PCSK1: variants seen among roughly 807,000 people sequenced by gnomAD.
PCSK1 encodes proprotein convertase subtilisin/kexin type 1, also known as neuroendocrine convertase 1.
A neutral mutation model predicts 90.6 loss-of-function variants in PCSK1; 56 were observed. The ratio of observed to expected loss-of-function variants is 0.62; its 90% CI spans 0.50 to 0.77. The LOEUF (loss-of-function observed/expected upper bound fraction) is 0.77. Ranked by LOEUF, PCSK1 falls within the 30% of genes least tolerant of loss-of-function variation. PCSK1 has a pLI of 0.00. For synonymous variants in PCSK1, 348 were observed against 342.4 expected (o/e 1.02, Z -0.18); for missense variants, 801 against 932.6 (o/e 0.86, Z 1.84).
intron 12 of PCSK1, 68 bp from the exon 13 acceptor site, chr5:96,395,093 G>T: frequency 8.3e-7 from 1 of 1,206,262 alleles, no homozygotes. Context: ...ATTCAAAATA[G>T]CTAAAAAGGA....
At chr5:96,408,811 A>T (rs1395044916) in intron 8 of PCSK1, among the ~76,000 whole-genome samples, 1 of 152,212 alleles carries the variant, frequency 6.6e-6, no homozygotes, top group East Asian at 1.9e-4. Context: ...CTACTTGCAC[A>T]AAAAATGCTT....
chr5:96,412,187 T>C (rs1760776381), intron 7 of PCSK1, 131 bp downstream of exon 7: 1 of 865,414 alleles, frequency 1.2e-6, no homozygotes, highest in Non-Finnish European at 1.9e-6. Flanking sequence ...TCTAAGTGCA[T>C]TTAAAATTGT....
At chr5:96,422,014 A>AGC in intron 4 of PCSK1, 58 bp from the exon 5 acceptor site, 1 of 888,082 alleles carries the variant, frequency 1.1e-6, no homozygotes. Context: ...AAAAAAAAAA[A>AGC]AAAAAGCATC....
At position 96,410,949 on chromosome 5, in the gene PCSK1, G is replaced by A. The variant is rs137852824; in HGVS notation, c.920C>T (p.Ser307Leu). ...QGKGSIFVWASGNGGRQGDNC... is the reference protein window; with the variant it reads ...QGKGSIFVWALGNGGRQGDNC... ...ATCTCCCTGACGCCCCCCGTTTCCC[G>A]AAGCCCAGACGAAGATGGACCCCTT... is the stretch of plus-strand genomic sequence containing the variant. Residue 307 changes from serine (S) to leucine (L), a missense_variant, in exon 8 of 14, where the codon TCG (serine) becomes TTG (leucine). By Grantham distance (145) the Ser-to-Leu change is moderately radical. Transcript: ENST00000311106. 14 of 1,613,882 alleles carry A rather than the reference G, an allele frequency of 8.7e-6. No individual in the cohort carries two copies. Among genetic ancestry groups the A allele is most frequent in the Admixed American group, 1.7e-5 (1 of 60,012 alleles).
chr5:96,403,001 G>T (rs926641133), intron 9 of PCSK1, among the ~76,000 whole-genome samples: 4 of 152,156 alleles, frequency 2.6e-5, no homozygotes, highest in African/African-American at 9.7e-5. Flanking sequence ...CAGTCAATGG[G>T]CAACACACCA....
chr5:96,430,957 A>G (rs2112452689), intron 1 of PCSK1, among the ~76,000 whole-genome samples: 1 of 152,318 alleles, frequency 6.6e-6, no homozygotes, highest in East Asian at 1.9e-4. Flanking sequence ...TGAATGGTCT[A>G]GGTTTAGATG....
rs376732645 is a variant in PCSK1 at position 96,409,902 on chromosome 5, G to A, written c.1095+872C>T. Among the ~76,000 whole-genome samples the A allele has an allele frequency of 2.0e-4, 30 of 152,268 alleles. 2 individuals carry two copies. The highest frequency in any genetic ancestry group is 7.2e-4 in the African/African-American group (30 of 41,546). On this transcript the variant is annotated intron_variant, in intron 8 of 13. Transcript: ENST00000311106. ...GTGATCCTGTATGAAGAAGATGTTC[G>A]TGTTGACAATTTTGTTGAGATGCCA...
intron 9 of PCSK1, among the ~76,000 whole-genome samples, chr5:96,400,600 A>G (rs1366768377): frequency 6.6e-6 from 1 of 152,230 alleles, no homozygotes; most frequent in Non-Finnish European, 1.5e-5. Context: ...GAACCCACAG[A>G]CGAGGCCTTG....
In PCSK1 at chr5:96,412,752, G is replaced by GTTTTTTTTTTTTTTTTTTTTTTTTT. The variant is rs57397343; in HGVS notation, c.710-263_710-262insAAAAAAAAAAAAAAAAAAAAAAAAA. ...CATGCACTGTGTAGGCAGCTGTGAT[G>GTTTTTTTTTTTTTTTTTTTTTTTTT]TTTTTTTTTTTTTTTTTTTTTTTGG... On this transcript the variant is annotated intron_variant, in intron 6 of 13. Coordinates refer to ENST00000311106, the MANE Select transcript of PCSK1 (RefSeq NM_000439.5). 1.3e-4 allele frequency among the ~76,000 whole-genome samples: 9 copies of GTTTTTTTTTTTTTTTTTTTTTTTTT among 71,806 alleles called. 3 individuals are homozygous for GTTTTTTTTTTTTTTTTTTTTTTTTT. The highest frequency in any genetic ancestry group is 6.3e-4 in the African/African-American group (7 of 11,126). 47.1% of individuals were successfully genotyped at this position (71,806 alleles called of 152,430 possible). A position where few individuals can be genotyped will look rare whatever the true frequency, so the allele number is the denominator to read the frequency against.
In PCSK1 at chr5:96,392,838, GCTCATCCCCT is replaced by G; in HGVS notation, c.*153_*162del. The G allele has an allele frequency of 1.4e-6, 1 of 716,404 alleles. No individual in the cohort carries two copies. The highest frequency in any genetic ancestry group is 2.4e-6 in the Non-Finnish European group (1 of 412,002). 44.4% of individuals were successfully genotyped at this position (716,404 alleles called of 1,614,324 possible). On this transcript the variant is annotated 3_prime_UTR_variant, in exon 14 of 14. Transcript: ENST00000311106. ...TCTGGAAGTTGAACTTCCTGCTTGA[GCTCATCCCCT>G]TCACATGTACAGTTTAGGGAGAAAA...
intron 9 of PCSK1, among the ~76,000 whole-genome samples, chr5:96,406,100 G>A (rs1760553398): frequency 6.6e-6 from 1 of 152,050 alleles, no homozygotes; most frequent in African/African-American, 2.4e-5. Context: ...TACCTATGCA[G>A]GCTGACATTT....
chr5:96,398,458 C>A lies in PCSK1; in HGVS notation c.1588+421G>T, dbSNP rs187699409. On this transcript the variant is annotated intron_variant, in intron 11 of 13. Transcript: ENST00000311106. ...ATGTTACTATGATAAATTTGTTAAT[C>A]TTCTCAATCTCCTCTAATCGATCTG... 9.4e-4 allele frequency among the ~76,000 whole-genome samples: 143 copies of A among 152,316 alleles called. 1 individual carries two copies. Among genetic ancestry groups the A allele is most frequent in the African/African-American group, 3.3e-3 (136 of 41,576 alleles).
At chr5:96,431,136 G>A (rs375039755) in intron 1 of PCSK1, among the ~76,000 whole-genome samples, 2 of 152,160 alleles carry the variant, frequency 1.3e-5, no homozygotes, top group African/African-American at 4.8e-5. Context: ...TGATTTGTAT[G>A]ATGTCCACAG....
intron 1 of PCSK1, among the ~76,000 whole-genome samples, chr5:96,430,493 C>T (rs145488371): frequency 1.1e-4 from 17 of 152,228 alleles, no homozygotes; most frequent in South Asian, 2.1e-4. Flanking sequence ...AATCAGCAGC[C>T]GCAGAAAAAG....
rs753131629 is a variant in PCSK1 at position 96,410,782 on chromosome 5, G to A, written c.1087C>T (p.Gln363Ter). 1.2e-6 allele frequency: 2 copies of A among 1,612,828 alleles called. No homozygotes were observed. Among genetic ancestry groups the A allele is most frequent in the East Asian group, 4.5e-5 (2 of 44,874 alleles). ...TSYSSGDYTD[Q>*]RITSADLHND... is the part of the protein sequence containing the mutation. ...AGACAAAAGCAACATACGATTCTCTGGTCGGTGTAATCTCCGCTGCTGTAA... is the reference window on the plus strand; with the variant it reads ...AGACAAAAGCAACATACGATTCTCTAGTCGGTGTAATCTCCGCTGCTGTAA... The change falls in exon 8 of 14, where the codon CAG becomes TAG. Residue 363 changes from glutamine (Q) to a stop codon, truncating the protein, a stop_gained. Transcript: ENST00000311106. LOFTEE classifies it high-confidence loss of function.
rs148617898 is a variant in PCSK1 at position 96,410,959 on chromosome 5, C to T, written c.910G>A (p.Val304Ile). The change falls in exon 8 of 14, where the codon GTC (valine) becomes ATC (isoleucine). Residue 304 changes from valine to isoleucine, a missense_variant. Val to Ile is a conservative substitution (Grantham distance 29). Coordinates refer to ENST00000311106, the MANE Select transcript of PCSK1 (RefSeq NM_000439.5). ...CGCCCCCCGTTTCCCGAAGCCCAGACGAAGATGGACCCCTTCCCCTGTCTC... is the reference window on the plus strand; with the variant it reads ...CGCCCCCCGTTTCCCGAAGCCCAGATGAAGATGGACCCCTTCCCCTGTCTC... ...QGRQGKGSIF[V>I]WASGNGGRQG... 8.7e-5 allele frequency: 141 copies of T among 1,613,608 alleles called. No homozygotes were observed. In the African/African-American group the frequency reaches 1.2e-3, roughly 13 times the overall value.
intron 4 of PCSK1, 91 bp downstream of exon 4, chr5:96,423,222 A>C: frequency 1.6e-6 from 2 of 1,257,822 alleles, no homozygotes; most frequent in Non-Finnish European, 2.3e-6. Context: ...CTGACACCAG[A>C]GCAGCATCCC....
intron 5 of PCSK1, among the ~76,000 whole-genome samples, chr5:96,420,783 G>A (rs1761102230): frequency 7.6e-6 from 1 of 132,318 alleles, no homozygotes; most frequent in East Asian, 2.3e-4. Flanking sequence ...GAGAGAGAGA[G>A]AGAAAGAGAG....
At chr5:96,393,421 A>C in intron 13 of PCSK1, 43 bp from the exon 14 acceptor site, 1 of 1,611,090 alleles carries the variant, frequency 6.2e-7, no homozygotes, top group South Asian at 1.1e-5. Flanking sequence ...AAGGTTCATT[A>C]TTTATGGCCA....
Sources: allele counts gnomAD v4.1 joint callset (sites outside exome capture counted in the v4.1 genomes callset), GRCh38; gene constraint gnomAD v4.1.1; transcripts MANE v1.5; gene names NCBI Gene and HGNC (gene_info 2026-07-23, HGNC 2026-07-21).